Variants in MARCHF10 observed in about 807,000 individuals in gnomAD.
MARCHF10 encodes probable E3 ubiquitin-protein ligase MARCHF10.
Under a neutral mutation model 76.2 loss-of-function variants are expected in MARCHF10, and 64 were observed. That is an observed-to-expected ratio of 0.84 (90% CI 0.69 to 1.03). The LOEUF is 1.03. Ranked by LOEUF, MARCHF10 falls within the 50% of genes least tolerant of loss-of-function variation. MARCHF10 has a pLI of 0.00. For missense variants in MARCHF10, 875 were observed against 958.0 expected (o/e 0.91, Z 1.14); for synonymous variants, 340 against 357.5 (o/e 0.95, Z 0.55).
At chr17:62,779,233 C>T (rs553888384) in intron 3 of MARCHF10, among the ~76,000 whole-genome samples, 9 of 152,274 alleles carry the variant, frequency 5.9e-5, no homozygotes, top group South Asian at 2.1e-4. Flanking sequence ...CTAGAACCAG[C>T]GTGTGCATGC....
intron 2 of MARCHF10, among the ~76,000 whole-genome samples, chr17:62,800,660 C>G (rs147412104): frequency 1.3e-5 from 2 of 152,150 alleles, no homozygotes; most frequent in Admixed American, 1.3e-4. Context: ...AGGGAAGGAG[C>G]GCTTTTCAAT....
At position 62,725,042 on chromosome 17, in the gene MARCHF10, C is replaced by T. The variant is rs921322735; in HGVS notation, c.2000G>A (p.Gly667Asp). The change falls in exon 7 of 11, where the codon GGT becomes GAT. Residue 667 changes from glycine to aspartate, a missense_variant. Physicochemically the swap from Gly to Asp is moderately conservative, Grantham distance 94. Transcript: ENST00000311269. ...DLCRICQIAG[G>D]SPSNPLLEPC... The stretch of plus-strand genomic sequence containing the variant: ...CTCCAGGAGGGGGTTGCTTGGGGAA[C>T]CCCCGGCTATCTGACAGATGCGACA... The T allele has an allele frequency of 1.9e-6, 3 of 1,608,224 alleles. No individual in the cohort carries two copies. The highest frequency in any genetic ancestry group is 1.7e-5 in the Admixed American group (1 of 58,612).
At chr17:62,792,290 ATCCCCAGC>A (rs1004747489) in intron 2 of MARCHF10, among the ~76,000 whole-genome samples, 1 of 151,982 alleles carries the variant, frequency 6.6e-6, no homozygotes, top group African/African-American at 2.4e-5. Context: ...AAACACGACA[ATCCCCAGC>A]TCTGCCACTT....
intron 9 of MARCHF10, among the ~76,000 whole-genome samples, chr17:62,709,843 C>T (rs182666321): frequency 8.5e-5 from 13 of 152,116 alleles, no homozygotes; most frequent in African/African-American, 2.4e-4. Flanking sequence ...GTCAGCCTCC[C>T]GGCAGCATCA....
intron 2 of MARCHF10, among the ~76,000 whole-genome samples, chr17:62,788,841 A>T (rs1041393889): frequency 6.6e-6 from 1 of 151,742 alleles, no homozygotes; most frequent in Non-Finnish European, 1.5e-5. Flanking sequence ...AGGCGGGTGG[A>T]TCATGAGGTC....
At chr17:62,801,815 ATT>A in intron 1 of MARCHF10, 63 bp from the exon 2 acceptor site, 1 of 1,153,456 alleles carries the variant, frequency 8.7e-7, no homozygotes, top group Non-Finnish European at 1.3e-6. Context: ...CCGTATTTGG[ATT>A]TATTTTCATC....
In MARCHF10 at chr17:62,725,071, G is replaced by A; in HGVS notation, c.1971C>T (p.Asp657=). The A allele has an allele frequency of 1.9e-6, 3 of 1,603,166 alleles. No homozygotes were observed. The East Asian group carries it at 6.8e-5, about 36-fold the overall frequency. The change falls in exon 7 of 11, where the codon GAC becomes GAT. Residue 657 remains aspartate, a synonymous_variant. Coordinates refer to ENST00000311269, the MANE Select transcript of MARCHF10 (RefSeq NM_152598.4). ...CGGCTATCTGACAGATGCGACACAAGTCTCCCTCCTCCTCGGAGTCCTCCT... is the reference window on the plus strand; with the variant it reads ...CGGCTATCTGACAGATGCGACACAAATCTCCCTCCTCCTCGGAGTCCTCCT... ...LLEEDSEEEG[D]LCRICQIAGG... is the part of the protein sequence containing the mutation.
intron 4 of MARCHF10, among the ~76,000 whole-genome samples, chr17:62,746,085 C>T (rs1268753109): frequency 2.6e-5 from 4 of 152,198 alleles, no homozygotes; most frequent in South Asian, 2.1e-4. Context: ...AAGTTGTAGT[C>T]GTGTGAATAG....
intron 4 of MARCHF10, among the ~76,000 whole-genome samples, chr17:62,748,976 G>C (rs2091803164): frequency 6.6e-6 from 1 of 152,166 alleles, no homozygotes; most frequent in African/African-American, 2.4e-5. Flanking sequence ...TTGTGTTCAG[G>C]AGTTTCACTG....
In MARCHF10 at chr17:62,724,997, C is replaced by T. The variant is rs745355408; in HGVS notation, c.2045G>A (p.Ser682Asn). 3 of 1,611,578 alleles carry T rather than the reference C, an allele frequency of 1.9e-6. No individual in the cohort carries two copies. Among genetic ancestry groups the T allele is most frequent in the Non-Finnish European group, 2.5e-6 (3 of 1,179,180 alleles). ...PLLEPCGCVG[S>N]LQFVHQECLK... ...GCACTCTTGATGAACAAACTGCAGGCTTCCCACACAGCCGCAAGGCTCCAG... is the reference window on the plus strand; with the variant it reads ...GCACTCTTGATGAACAAACTGCAGGTTTCCCACACAGCCGCAAGGCTCCAG... The change falls in exon 7 of 11, where the codon AGC (serine) becomes AAC (asparagine). Residue 682 changes from serine (S) to asparagine (N), a missense_variant. By Grantham distance (46) the Ser-to-Asn change is conservative (BLOSUM62 1). Coordinates refer to ENST00000311269, the MANE Select transcript of MARCHF10 (RefSeq NM_152598.4).
At chr17:62,785,237 C>T (rs1216404058) in intron 3 of MARCHF10, among the ~76,000 whole-genome samples, 1 of 152,202 alleles carries the variant, frequency 6.6e-6, no homozygotes, top group African/African-American at 2.4e-5. Context: ...CTACAACCAT[C>T]TGATCTTTGA....
rs186303710 is a variant in MARCHF10, at chr17:62,765,395, G to A, written c.211-5389C>T. The stretch of plus-strand genomic sequence containing the variant: ...AAAAAAAAGATGCCTTTTGGAGTCA[G>A]CTGGGCTGCCAGATTGCCTAAATAT... On this transcript the variant is annotated intron_variant, in intron 3 of 10. Coordinates refer to ENST00000311269, the MANE Select transcript of MARCHF10 (RefSeq NM_152598.4). 7.4e-5 allele frequency among the ~76,000 whole-genome samples: 11 copies of A among 148,818 alleles called. No individual in the cohort carries two copies. In the East Asian group the frequency reaches 2.2e-3, roughly 29 times the overall value.
intron 3 of MARCHF10, among the ~76,000 whole-genome samples, chr17:62,762,040 T>TAGCAGCAGCAGCAGCAGC (rs759132039): frequency 6.6e-6 from 1 of 151,932 alleles, no homozygotes; most frequent in Non-Finnish European, 1.5e-5. Context: ...TCAGCAGCAG[T>TAGCAGCAGCAGCAGCAGC]AGCAGCAGCA....
Position 62,711,347 on chromosome 17 carries a change from A to T in MARCHF10, c.2215-3T>A. 6.2e-7 allele frequency: 1 copy of T among 1,613,802 alleles called. No individual in the cohort carries two copies. The highest frequency in any genetic ancestry group is 8.5e-7 in the Non-Finnish European group (1 of 1,179,666). ...GAATTCATCAGCTCGTTTTGTGCCT[A>T]CAAATGGAAAAGAAAGCTCTTCAGT... On this transcript the variant is annotated splice_polypyrimidine_tract_variant and splice_region_variant and intron_variant, in intron 8 of 10. Transcript: ENST00000311269. This position sits in a 1 kb window ranked among gnomAD's most constrained non-coding sequence, Gnocchi z 4.4.
intron 2 of MARCHF10, among the ~76,000 whole-genome samples, chr17:62,790,187 T>C (rs1354787051): frequency 1.3e-5 from 2 of 151,880 alleles, no homozygotes; most frequent in Non-Finnish European, 2.9e-5. Flanking sequence ...GTTTTTTTTT[T>C]CCCCCCAAGA....
intron 8 of MARCHF10, among the ~76,000 whole-genome samples, chr17:62,721,491 G>A (rs934640136): frequency 3.3e-5 from 5 of 151,964 alleles, no homozygotes; most frequent in Non-Finnish European, 7.4e-5. Flanking sequence ...GAACAAAATA[G>A]TATTAGGTTG....
At chr17:62,792,012 C>T (rs2092852165) in intron 2 of MARCHF10, among the ~76,000 whole-genome samples, 1 of 152,072 alleles carries the variant, frequency 6.6e-6, no homozygotes, top group Admixed American at 6.5e-5. Context: ...AGTCTCTGAT[C>T]ATGTGGCAAA....
rs373061867 is a variant in MARCHF10, at chr17:62,786,327, A to C, written c.210+2153T>G. Among the ~76,000 whole-genome samples the C allele has an allele frequency of 2.0e-5, 3 of 151,762 alleles. No individual in the cohort carries two copies. In the East Asian group the frequency reaches 5.8e-4, roughly 29 times the overall value. ...TGTTCTCACTCATAGGTGGGAATTGAACAATGAGAACACATGGACACAGGG... is the reference window on the plus strand; with the variant it reads ...TGTTCTCACTCATAGGTGGGAATTGCACAATGAGAACACATGGACACAGGG... On this transcript the variant is annotated intron_variant, in intron 3 of 10. Coordinates refer to ENST00000311269, the MANE Select transcript of MARCHF10 (RefSeq NM_152598.4).
chr17:62,798,426 C>T (rs2093020089), intron 2 of MARCHF10, among the ~76,000 whole-genome samples: 1 of 146,214 alleles, frequency 6.8e-6, no homozygotes, highest in Non-Finnish European at 1.5e-5. Context: ...GAGTTCGAGA[C>T]CAGCCTGGGA....
Sources: gnomAD v4.1 joint callset for allele counts (sites outside exome capture counted in the v4.1 genomes callset) on GRCh38, gnomAD v4.1.1 for gene constraint, Gnocchi (gnomAD v3.1) non-coding constraint, MANE v1.5 for transcripts, NCBI Gene and HGNC (gene_info 2026-07-23, HGNC 2026-07-21) for gene names.